The following TAFA2 variants were observed in gnomAD, a reference collection of about 807,000 sequenced individuals.
The protein encoded by TAFA2 is TAFA chemokine like family member 2, also known as chemokine-like protein TAFA-2.
TAFA2 carries 7 observed loss-of-function variants against 18.8 expected under a neutral mutation model. The observed-to-expected ratio is 0.37, with a 90% CI of 0.21 to 0.70. The LOEUF (loss-of-function observed/expected upper bound fraction) is 0.70. Among genes scored for constraint, TAFA2 ranks in the 30% least tolerant of loss-of-function variants. The pLI is 0.53. For missense variants in TAFA2, 122 were observed against 158.1 expected, an observed-to-expected ratio of 0.77 and a Z score of 1.23; for synonymous variants, 60 against 54.2, an observed-to-expected ratio of 1.11 and a Z score of -0.47.
intron 4 of TAFA2, among the ~76,000 whole-genome samples, chr12:61,713,390 C>T (rs1869504295): frequency 6.6e-6 from 1 of 152,168 alleles, no homozygotes; most frequent in African/African-American, 2.4e-5. Context: ...GCATGATTCA[C>T]AAATTGTTCT....
intron 2 of TAFA2, among the ~76,000 whole-genome samples, chr12:61,790,923 A>C (rs1188442452): frequency 6.6e-6 from 1 of 151,794 alleles, no homozygotes; most frequent in African/African-American, 2.4e-5. Context: ...CTAAGAGGGG[A>C]AAACCTAGAG....
chr12:62,221,439 G>C (rs149571336), intron 1 of TAFA2, among the ~76,000 whole-genome samples: 6 of 152,118 alleles, frequency 3.9e-5, no homozygotes, highest in African/African-American at 1.4e-4. Context: ...ACTTATTACT[G>C]GGCTATGATA....
intron 1 of TAFA2, among the ~76,000 whole-genome samples, chr12:61,954,578 T>C (rs1443633483): frequency 6.6e-6 from 1 of 152,104 alleles, no homozygotes; most frequent in Non-Finnish European, 1.5e-5. Context: ...TATTATTGCT[T>C]ACAGATATAT....
At chr12:62,123,724 A>AACAC (rs149989772) in intron 1 of TAFA2, among the ~76,000 whole-genome samples, 119 of 132,028 alleles carry the variant, frequency 9.0e-4, no homozygotes, top group Non-Finnish European at 1.0e-3. Context: ...ACCCTCCCCC[A>AACAC]ACACACACAC....
intron 1 of TAFA2, among the ~76,000 whole-genome samples, chr12:61,892,800 C>T (rs2121299587): frequency 6.6e-6 from 1 of 152,286 alleles, no homozygotes; most frequent in East Asian, 1.9e-4. Context: ...GATCGTTCCA[C>T]TGCACTCCAG....
intron 2 of TAFA2, among the ~76,000 whole-genome samples, chr12:61,796,290 G>A (rs935771361): frequency 6.6e-6 from 1 of 151,892 alleles, no homozygotes; most frequent in African/African-American, 2.4e-5. Context: ...GCCATCCACA[G>A]GTAAATAGAT....
At chr12:61,862,906 A>G (rs986441852) in intron 2 of TAFA2, among the ~76,000 whole-genome samples, 1 of 152,130 alleles carries the variant, frequency 6.6e-6, no homozygotes, top group South Asian at 2.1e-4. Flanking sequence ...ATCCCATTTT[A>G]TGTATTTTTC....
chr12:61,809,308 T>A (rs180883073), intron 2 of TAFA2, among the ~76,000 whole-genome samples: 3 of 151,624 alleles, frequency 2.0e-5, no homozygotes, highest in African/African-American at 7.3e-5. Context: ...ATCTTCCTTA[T>A]ATTTAGGATG....
rs34859628 is a variant in TAFA2, at chr12:62,035,733, C to CTTTTTTTTTTTTTTTTTTTTTT, written c.-2+155504_-2+155525dup. 6.6e-5 allele frequency among the ~76,000 whole-genome samples: 4 copies of CTTTTTTTTTTTTTTTTTTTTTT among 60,234 alleles called. 1 individual carries two copies. Among genetic ancestry groups the CTTTTTTTTTTTTTTTTTTTTTT allele is most frequent in the African/African-American group, 3.0e-4 (4 of 13,256 alleles). The allele number at this position is 60,234 out of a possible 152,430, so 39.5% of individuals were successfully genotyped here. A position where few individuals can be genotyped will look rare whatever the true frequency, so the allele number is the denominator to read the frequency against. On this transcript the variant is annotated intron_variant, in intron 1 of 4. Transcript: ENST00000416284. The stretch of plus-strand genomic sequence containing the variant: ...TGACGCTAGGGGTCAATGATTCTTT[C>CTTTTTTTTTTTTTTTTTTTTTT]TTTTTTTTTTTTTTTTTTTTTTTTT...
At chr12:62,030,945 G>T (rs1022347671) in intron 1 of TAFA2, among the ~76,000 whole-genome samples, 2 of 152,120 alleles carry the variant, frequency 1.3e-5, no homozygotes, top group Non-Finnish European at 2.9e-5. Context: ...TAGAGGAGGT[G>T]TGGCCTTAAT....
intron 2 of TAFA2, among the ~76,000 whole-genome samples, chr12:61,787,930 A>T (rs1870805576): frequency 6.6e-6 from 1 of 151,622 alleles, no homozygotes; most frequent in Admixed American, 6.6e-5. Flanking sequence ...AAAAAACAAG[A>T]CTCAACTGTG....
intron 1 of TAFA2, chr12:61,879,839 G>C (rs1306760957): frequency 1.6e-6 from 2 of 1,261,512 alleles, no homozygotes; most frequent in African/African-American, 2.9e-5. Context: ...GGAGCTGGTG[G>C]AGGACTTCAA....
At chr12:62,058,108 A>T (rs1403430710) in intron 1 of TAFA2, among the ~76,000 whole-genome samples, 1 of 152,256 alleles carries the variant, frequency 6.6e-6, no homozygotes, top group African/African-American at 2.4e-5. Flanking sequence ...ATAATTTAAG[A>T]TATTATTCCA....
chr12:62,221,512 T>C (rs985869982), intron 1 of TAFA2, among the ~76,000 whole-genome samples: 1 of 152,058 alleles, frequency 6.6e-6, no homozygotes, highest in Non-Finnish European at 1.5e-5. Flanking sequence ...GAAAAACAAA[T>C]AGATCAATGA....
At chr12:62,143,725 C>A (rs2062256726) in intron 1 of TAFA2, among the ~76,000 whole-genome samples, 2 of 152,032 alleles carry the variant, frequency 1.3e-5, no homozygotes, top group South Asian at 2.1e-4. Flanking sequence ...TTCCTATAGA[C>A]CCTCAGTCAA....
At chr12:61,987,276 C>T (rs1879851994) in intron 1 of TAFA2, among the ~76,000 whole-genome samples, 2 of 152,096 alleles carry the variant, frequency 1.3e-5, no homozygotes, top group African/African-American at 2.4e-5. Flanking sequence ...ATTAAAAAAG[C>T]AATAAAGGGT....
rs1204024706 is a variant in TAFA2 at position 62,059,976 on chromosome 12, A to C, written c.-2+131283T>G. Among the ~76,000 whole-genome samples the C allele has an allele frequency of 2.0e-5, 3 of 152,188 alleles. No homozygotes were observed. In the South Asian group the frequency reaches 6.2e-4, roughly 32 times the overall value. On this transcript the variant is annotated intron_variant, in intron 1 of 4. Coordinates refer to ENST00000416284, the MANE Select transcript of TAFA2 (RefSeq NM_178539.5). ...AAGTTTTTGAGGATCTGTATTAGCT[A>C]TCAGTTATCATTGTTTCAGAACAAT...
intron 1 of TAFA2, among the ~76,000 whole-genome samples, chr12:61,948,587 G>C (rs963222528): frequency 1.3e-5 from 2 of 152,062 alleles, no homozygotes; most frequent in Non-Finnish European, 2.9e-5. Context: ...GCAGAACAAA[G>C]TATATTTAGC....
At chr12:61,846,510 A>G (rs181311468) in intron 2 of TAFA2, among the ~76,000 whole-genome samples, 58 of 152,302 alleles carry the variant, frequency 3.8e-4, no homozygotes, top group African/African-American at 1.3e-3. Flanking sequence ...GAAAGGGAAA[A>G]GTTTATCATT....
Sources: gnomAD v4.1 joint callset for allele counts (sites outside exome capture counted in the v4.1 genomes callset) on GRCh38, gnomAD v4.1.1 for gene constraint, MANE v1.5 for transcripts, NCBI Gene and HGNC (gene_info 2026-07-23, HGNC 2026-07-21) for gene names.